NHS: variants seen among roughly 807,000 people sequenced by gnomAD.
NHS encodes the protein actin remodeling regulator NHS.
Under a neutral mutation model 72.5 loss-of-function variants are expected in NHS, and 5 were observed. The observed-to-expected ratio is 0.07, with a 90% CI of 0.04 to 0.14. The LOEUF (loss-of-function observed/expected upper bound fraction) is 0.14, where lower values mean the gene tolerates loss of function less well. Ranked by LOEUF, NHS falls within the 10% of genes least tolerant of loss-of-function variation. The probability of loss-of-function intolerance (pLI) is 1.00; values close to 1 mark genes in which losing one functional copy is unlikely to be tolerated. For missense variants in NHS, 1,072 were observed against 1,355.7 expected (o/e 0.79, Z 3.29); for synonymous variants, 464 against 547.7 (o/e 0.85, Z 2.13).
intron 1 of NHS, among the ~76,000 whole-genome samples, chrX:17,543,520 C>T (rs1440711085): frequency 8.9e-6 from 1 of 112,161 alleles, no homozygotes; most frequent in Non-Finnish European, 1.9e-5. Flanking sequence ...TTCCTCTTCC[C>T]AGGGAAGGCA....
chrX:17,507,291 T>C, intron 1 of NHS, among the ~76,000 whole-genome samples: 1 of 112,396 alleles, frequency 8.9e-6, no homozygotes, highest in East Asian at 2.8e-4. Context: ...GAGATAATGT[T>C]ACTGATGTTT....
intron 1 of NHS, among the ~76,000 whole-genome samples, chrX:17,423,231 T>C (rs1250074077): frequency 8.9e-6 from 1 of 112,325 alleles, no homozygotes; most frequent in African/African-American, 3.2e-5. Context: ...GCTTTTCATG[T>C]ATTTGTTTAG....
chrX:17,709,751 G>A (rs189900294), intron 3 of NHS, among the ~76,000 whole-genome samples: 32 of 111,051 alleles, frequency 2.9e-4, no homozygotes, highest in Admixed American at 2.8e-3. Flanking sequence ...GGCTGGTGCT[G>A]GTGCCTCAGG....
chrX:17,561,833 A>G (rs1465219395), intron 1 of NHS, among the ~76,000 whole-genome samples: 1 of 109,361 alleles, frequency 9.1e-6, no homozygotes, highest in Non-Finnish European at 1.9e-5. Flanking sequence ...GGGCAATAAA[A>G]TGTTGAAAGG....
At chrX:17,501,654 G>T (rs1716455486) in intron 1 of NHS, among the ~76,000 whole-genome samples, 1 of 111,923 alleles carries the variant, frequency 8.9e-6, no homozygotes, top group Admixed American at 9.4e-5. Context: ...TTGAGTCTGG[G>T]AGGTCAAGGC....
chrX:17,561,564 GCGCGCGCGCGCA>G (rs1382557538), intron 1 of NHS, among the ~76,000 whole-genome samples: 67 of 66,783 alleles, frequency 1.0e-3, no homozygotes, highest in Middle Eastern at 7.9e-3. Flanking sequence ...GCATGCGCGC[GCGCGCGCGCGCA>G]CACACACACA....
intron 1 of NHS, among the ~76,000 whole-genome samples, chrX:17,386,663 CAAAAA>C (rs1184465152): frequency 2.6e-5 from 1 of 38,438 alleles, no homozygotes; most frequent in Middle Eastern, 0.015. Flanking sequence ...AACTCTGTCT[CAAAAA>C]AAAAAAAAAA....
chrX:17,606,925 T>G (rs2065682953), intron 1 of NHS, among the ~76,000 whole-genome samples: 1 of 112,265 alleles, frequency 8.9e-6, no homozygotes, highest in Admixed American at 9.4e-5. Flanking sequence ...TATTAACGCA[T>G]AAACAACAAC....
At chrX:17,674,599 C>T (rs961968040) in intron 1 of NHS, among the ~76,000 whole-genome samples, 1 of 112,408 alleles carries the variant, frequency 8.9e-6, no homozygotes, top group Admixed American at 9.4e-5. Context: ...ATGGAGGCTA[C>T]TCATAGCTTC....
intron 1 of NHS, among the ~76,000 whole-genome samples, chrX:17,533,335 G>A (rs1044181615): frequency 8.9e-6 from 1 of 111,823 alleles, no homozygotes; most frequent in Non-Finnish European, 1.9e-5. Context: ...CACCCAGGCT[G>A]GAGTGCGATG....
At chrX:17,427,925 G>T (rs1216030286) in intron 1 of NHS, among the ~76,000 whole-genome samples, 3 of 112,042 alleles carry the variant, frequency 2.7e-5, no homozygotes, top group Non-Finnish European at 5.6e-5. Context: ...TGATGCACGG[G>T]TCAGCAACAT....
chrX:17,525,941 G>T (rs2065171628), intron 1 of NHS, among the ~76,000 whole-genome samples: 1 of 111,544 alleles, frequency 9.0e-6, no homozygotes, highest in Admixed American at 9.5e-5. Flanking sequence ...AAAACTTACA[G>T]ATGAACCAAT....
At chrX:17,621,577 A>G (rs1019116371) in intron 1 of NHS, among the ~76,000 whole-genome samples, 1 of 109,868 alleles carries the variant, frequency 9.1e-6, no homozygotes, top group Non-Finnish European at 1.9e-5. Context: ...AAGATGGTAA[A>G]TAGTCATTTC....
At chrX:17,482,456 A>G (rs2064949995) in intron 1 of NHS, among the ~76,000 whole-genome samples, 1 of 112,642 alleles carries the variant, frequency 8.9e-6, no homozygotes, top group African/African-American at 3.2e-5. Context: ...AACAGCTCAC[A>G]GGTGCAGACA....
chrX:17,465,142 C>G (rs976732828), intron 1 of NHS, among the ~76,000 whole-genome samples: 1 of 111,783 alleles, frequency 8.9e-6, no homozygotes, highest in African/African-American at 3.3e-5. Flanking sequence ...ATCTATGTCT[C>G]CAGGTAAGTC....
intron 1 of NHS, among the ~76,000 whole-genome samples, chrX:17,529,729 G>GA (rs2065190175): frequency 1.8e-5 from 2 of 111,707 alleles, no homozygotes; most frequent in Admixed American, 9.5e-5. Context: ...AAAGAAAAGA[G>GA]AAAAAAATCA....
intron 3 of NHS, among the ~76,000 whole-genome samples, chrX:17,695,945 G>T (rs931013038): frequency 1.8e-5 from 2 of 108,461 alleles, no homozygotes; most frequent in Admixed American, 9.9e-5. Context: ...AAAAAAAAGG[G>T]GGGGGGTATC....
intron 1 of NHS, among the ~76,000 whole-genome samples, chrX:17,432,082 A>C (rs941003844): frequency 2.7e-5 from 3 of 112,565 alleles, no homozygotes; most frequent in Non-Finnish European, 5.6e-5. Context: ...GTGGATAAGG[A>C]TGACAGCTAT....
At chrX:17,548,589 C>T (rs1300878813) in intron 1 of NHS, among the ~76,000 whole-genome samples, 1 of 112,018 alleles carries the variant, frequency 8.9e-6, no homozygotes, top group Non-Finnish European at 1.9e-5. Context: ...CACACACGCA[C>T]ACATTCCTGC....
Sources: allele counts gnomAD v4.1 joint callset (sites outside exome capture counted in the v4.1 genomes callset), GRCh38; gene constraint gnomAD v4.1.1; transcripts MANE v1.5; gene names NCBI Gene and HGNC (gene_info 2026-07-23, HGNC 2026-07-21).